GALNT10: variants seen among roughly 807,000 people sequenced by gnomAD.
GALNT10 encodes GalNAc transferase 10.
Under a neutral mutation model 75.0 loss-of-function variants are expected in GALNT10, and 41 were observed. That is an observed-to-expected ratio of 0.55 (90% CI 0.43 to 0.71). The LOEUF is 0.71. GALNT10 is among the 30% of genes least tolerant of loss of function. GALNT10 has a pLI of 0.00. For synonymous variants in GALNT10, 302 were observed against 313.0 expected (o/e 0.96, Z 0.37); for missense variants, 727 against 818.5 (o/e 0.89, Z 1.36).
intron 1 of GALNT10, among the ~76,000 whole-genome samples, chr5:154,281,657 C>G (rs1754040072): frequency 1.3e-5 from 2 of 152,306 alleles, no homozygotes; most frequent in South Asian, 4.2e-4. Flanking sequence ...CTAAGCTGTT[C>G]CTCAGTCTTT....
chr5:154,313,379 A>C (rs1754550462), intron 3 of GALNT10, among the ~76,000 whole-genome samples: 1 of 152,112 alleles, frequency 6.6e-6, no homozygotes, highest in South Asian at 2.1e-4. Flanking sequence ...AGTTCCCAAA[A>C]TGTAAGTTCA....
At chr5:154,321,841 A>G (rs901757516) in intron 3 of GALNT10, among the ~76,000 whole-genome samples, 10 of 152,042 alleles carry the variant, frequency 6.6e-5, no homozygotes, top group African/African-American at 2.4e-4. Context: ...ACCCACTGTC[A>G]CCTCCAGCCC....
At chr5:154,204,870 G>A (rs1775083099) in intron 1 of GALNT10, among the ~76,000 whole-genome samples, 1 of 152,222 alleles carries the variant, frequency 6.6e-6, no homozygotes, top group Non-Finnish European at 1.5e-5. Flanking sequence ...CTCTGCTCCA[G>A]TAGATACTAA....
At chr5:154,346,133 T>TGTGC (rs1315026041) in intron 4 of GALNT10, among the ~76,000 whole-genome samples, 1 of 89,598 alleles carries the variant, frequency 1.1e-5, no homozygotes, top group Admixed American at 1.5e-4. Context: ...ATAATATTCG[T>TGTGC]GTGTGCGTGT....
chr5:154,205,826 A>G (rs1775099410), intron 1 of GALNT10, among the ~76,000 whole-genome samples: 1 of 152,202 alleles, frequency 6.6e-6, no homozygotes, highest in African/African-American at 2.4e-5. Flanking sequence ...AGAAGCTGGA[A>G]GAGGAGGAAG....
intron 1 of GALNT10, among the ~76,000 whole-genome samples, chr5:154,250,434 A>T (rs537872714): frequency 1.3e-5 from 2 of 152,294 alleles, no homozygotes; most frequent in East Asian, 3.9e-4. Flanking sequence ...CCCTGGCACA[A>T]GGGGGACTAT....
chr5:154,293,613 A>ATATATATATTTTTTTTTT, intron 1 of GALNT10, among the ~76,000 whole-genome samples: 2 of 109,414 alleles, frequency 1.8e-5, no homozygotes, highest in African/African-American at 8.5e-5. Flanking sequence ...ATATATATAT[A>ATATATATATTTTTTTTTT]TTTTTTTTTT....
chr5:154,194,999 TG>T (rs1774913807), intron 1 of GALNT10, among the ~76,000 whole-genome samples: 1 of 152,250 alleles, frequency 6.6e-6, no homozygotes, highest in African/African-American at 2.4e-5. Context: ...CTTAAGGGTA[TG>T]TTCATATTTG....
At chr5:154,330,945 G>C (rs1047131358) in intron 4 of GALNT10, among the ~76,000 whole-genome samples, 1 of 127,838 alleles carries the variant, frequency 7.8e-6, no homozygotes, top group Non-Finnish European at 1.8e-5. Context: ...GTGTTTGTGT[G>C]TGTGTAGACA....
At chr5:154,288,707 T>C (rs534298910) in intron 1 of GALNT10, among the ~76,000 whole-genome samples, 179 of 152,312 alleles carry the variant, frequency 1.2e-3, no homozygotes, top group South Asian at 3.7e-3. Context: ...GGAAAATAAT[T>C]ACAGCTTTTG....
At chr5:154,379,107 G>C (rs1363483676) in intron 5 of GALNT10, among the ~76,000 whole-genome samples, 1 of 152,134 alleles carries the variant, frequency 6.6e-6, no homozygotes, top group Non-Finnish European at 1.5e-5. Flanking sequence ...TCCACATGTG[G>C]GGGTATACTG....
At chr5:154,323,597 T>A (rs1754709192) in intron 3 of GALNT10, among the ~76,000 whole-genome samples, 1 of 152,148 alleles carries the variant, frequency 6.6e-6, no homozygotes, top group East Asian at 1.9e-4. Context: ...TCAGGTGATG[T>A]ATGTAGCGGG....
At chr5:154,328,065 A>G (rs62379875) in intron 3 of GALNT10, among the ~76,000 whole-genome samples, 3,469 of 135,504 alleles carry the variant, frequency 0.026, 63 homozygotes, top group South Asian at 0.041. Flanking sequence ...CAGTTTCTTC[A>G]ACAAACAAAT....
At chr5:154,250,421 G>T (rs1753497009) in intron 1 of GALNT10, among the ~76,000 whole-genome samples, 1 of 152,132 alleles carries the variant, frequency 6.6e-6, no homozygotes, top group Non-Finnish European at 1.5e-5. Flanking sequence ...CATTTATCAA[G>T]AACCCTGGCA....
chr5:154,280,595 T>G (rs1754025681), intron 1 of GALNT10, among the ~76,000 whole-genome samples: 1 of 152,214 alleles, frequency 6.6e-6, no homozygotes, highest in Non-Finnish European at 1.5e-5. Flanking sequence ...AAATATATTC[T>G]CCCAGTTCAT....
At position 154,197,013 on chromosome 5, in the gene GALNT10, AC is replaced by A. The variant is rs138775852; in HGVS notation, c.159+5991del. The stretch of plus-strand genomic sequence containing the variant: ...GTCCTGGAGAGAAAACCCCTTTGCC[AC>A]CCTGGACCCATTTTTGGGCACCGAA... On this transcript the variant is annotated intron_variant, in intron 1 of 11. Coordinates refer to ENST00000297107, the MANE Select transcript of GALNT10 (RefSeq NM_198321.4). Among the ~76,000 whole-genome samples, 848 of 152,164 alleles carry A rather than the reference AC, an allele frequency of 5.6e-3. 25 individuals are homozygous for A. In the East Asian group the frequency reaches 0.077, roughly 14 times the overall value.
Position 154,227,370 on chromosome 5 carries a change from AACGTGGTTTTAAT to A in GALNT10, c.159+36346_159+36358del, listed in dbSNP as rs890374231. The stretch of plus-strand genomic sequence containing the variant: ...TCTAATATGTATGTGGTGATATCTT[AACGTGGTTTTAAT>A]CTTAATGTGTTCTCTAATGAACAAT... On this transcript the variant is annotated intron_variant, in intron 1 of 11. Transcript: ENST00000297107. Among the ~76,000 whole-genome samples, 66 of 152,326 alleles carry A rather than the reference AACGTGGTTTTAAT, an allele frequency of 4.3e-4. No individual in the cohort carries two copies. In the Middle Eastern group the frequency reaches 0.014, roughly 31 times the overall value.
intron 1 of GALNT10, among the ~76,000 whole-genome samples, chr5:154,254,989 CGTT>C (rs768990851): frequency 1.3e-5 from 2 of 151,960 alleles, no homozygotes; most frequent in South Asian, 2.1e-4. Context: ...AGAAGGGCAT[CGTT>C]GTTGTTGTTT....
intron 1 of GALNT10, among the ~76,000 whole-genome samples, chr5:154,246,868 A>T (rs1333726126): frequency 6.6e-6 from 1 of 152,186 alleles, no homozygotes; most frequent in African/African-American, 2.4e-5. Context: ...GGTGTTTTAG[A>T]CATGAAGTCC....
Sources: allele counts gnomAD v4.1 joint callset (sites outside exome capture counted in the v4.1 genomes callset), GRCh38; gene constraint gnomAD v4.1.1; transcripts MANE v1.5; gene names NCBI Gene and HGNC (gene_info 2026-07-23, HGNC 2026-07-21).